The following PLEKHA7 variants were observed in gnomAD, a reference collection of about 807,000 sequenced individuals.
The protein encoded by PLEKHA7 is pleckstrin homology domain-containing family A member 7.
In PLEKHA7, 104 loss-of-function variants were observed where a neutral mutation model predicts 170.0. That is an observed-to-expected ratio of 0.61 (90% CI 0.52 to 0.72). The LOEUF is 0.72. Among genes scored for constraint, PLEKHA7 ranks in the 30% least tolerant of loss-of-function variants. The pLI is 0.00. For missense variants in PLEKHA7, 1,615 were observed against 1,671.7 expected (o/e 0.97, Z 0.59); for synonymous variants, 648 against 660.8 (o/e 0.98, Z 0.30).
At chr11:16,950,983 T>A (rs1861372151) in intron 3 of PLEKHA7, among the ~76,000 whole-genome samples, 1 of 152,186 alleles carries the variant, frequency 6.6e-6, no homozygotes, top group Admixed American at 6.5e-5. Flanking sequence ...CTGCCTCACC[T>A]TCAAAACTGT....
intron 6 of PLEKHA7, among the ~76,000 whole-genome samples, chr11:16,853,293 T>C (rs531003028): frequency 6.6e-6 from 1 of 152,344 alleles, no homozygotes; most frequent in East Asian, 1.9e-4. Flanking sequence ...TAAACTGAAA[T>C]ACAGCATAAG....
chr11:16,950,672 ACATTCCCTCCACCTGCC>A (rs756379815), intron 3 of PLEKHA7, among the ~76,000 whole-genome samples: 12 of 152,102 alleles, frequency 7.9e-5, no homozygotes, highest in Non-Finnish European at 1.6e-4. Flanking sequence ...ACCCTTAGCC[ACATTCCCTCCACCTGCC>A]CATTCCCTCA....
chr11:16,991,454 G>A (rs114747528), intron 3 of PLEKHA7, among the ~76,000 whole-genome samples: 2,845 of 152,124 alleles, frequency 0.019, 112 homozygotes, highest in African/African-American at 0.065. Context: ...AAGCAGCACC[G>A]AGATAATAGA....
chr11:16,807,395 C>T (rs1027086267), intron 13 of PLEKHA7, among the ~76,000 whole-genome samples: 2 of 152,206 alleles, frequency 1.3e-5, no homozygotes, highest in South Asian at 2.1e-4. Flanking sequence ...TCCATGGGAC[C>T]GTGGATGCTC....
chr11:16,904,578 C>G (rs577260212), intron 3 of PLEKHA7, among the ~76,000 whole-genome samples: 1 of 151,944 alleles, frequency 6.6e-6, no homozygotes, highest in Admixed American at 6.6e-5. Flanking sequence ...TAAAAATAAG[C>G]CAAAATGTTA....
intron 13 of PLEKHA7, chr11:16,807,189 G>A (rs1849049087): frequency 1.0e-6 from 1 of 985,468 alleles, no homozygotes; most frequent in South Asian, 4.7e-5. Context: ...TCAGCACTTT[G>A]TAAAGCACGT....
At chr11:16,980,136 G>C (rs183878341) in intron 3 of PLEKHA7, among the ~76,000 whole-genome samples, 58 of 152,318 alleles carry the variant, frequency 3.8e-4, no homozygotes, top group Non-Finnish European at 5.7e-4. Flanking sequence ...TTCCTTCAAA[G>C]AAACTCAGTC....
At chr11:16,971,391 T>C (rs1400210554) in intron 3 of PLEKHA7, among the ~76,000 whole-genome samples, 2 of 152,254 alleles carry the variant, frequency 1.3e-5, no homozygotes, top group African/African-American at 2.4e-5. Flanking sequence ...TAATCCACTG[T>C]ACAGAGGTGT....
rs116901154 is a variant in PLEKHA7, at chr11:16,843,427, G to C, written c.697-1705C>G. On this transcript the variant is annotated intron_variant, in intron 8 of 26. Coordinates refer to ENST00000531066, the MANE Select transcript of PLEKHA7 (RefSeq NM_001329630.2). ...CTCCTCCCTGCCCTCTTAAAATCCA[G>C]ATCCAAAATGCATAGTAAATATGGG... 3.6e-3 allele frequency among the ~76,000 whole-genome samples: 552 copies of C among 152,346 alleles called. 4 individuals are homozygous for C. The highest frequency in any genetic ancestry group is 5.7e-3 in the Non-Finnish European group (389 of 68,034).
intron 3 of PLEKHA7, among the ~76,000 whole-genome samples, chr11:17,007,027 C>T (rs1017804347): frequency 1.3e-5 from 2 of 152,226 alleles, no homozygotes; most frequent in Non-Finnish European, 2.9e-5. Context: ...CATGCCTGGT[C>T]CCCACTCCCT....
At chr11:16,845,993 TAAGAA>T (rs1398966283) in intron 8 of PLEKHA7, among the ~76,000 whole-genome samples, 1 of 151,922 alleles carries the variant, frequency 6.6e-6, no homozygotes, top group African/African-American at 2.4e-5. Flanking sequence ...TTATTGAGAT[TAAGAA>T]AAGAGGCCGG....
chr11:16,981,731 A>G (rs957454943), intron 3 of PLEKHA7, among the ~76,000 whole-genome samples: 2 of 152,192 alleles, frequency 1.3e-5, no homozygotes, highest in Admixed American at 1.3e-4. Context: ...CCAGATCCCC[A>G]CAGATTCCAG....
intron 3 of PLEKHA7, among the ~76,000 whole-genome samples, chr11:16,949,590 A>G (rs1022499708): frequency 2.0e-5 from 3 of 152,128 alleles, no homozygotes; most frequent in African/African-American, 4.8e-5. Context: ...ACTTATAACA[A>G]ATGCCCCAAA....
intron 4 of PLEKHA7, among the ~76,000 whole-genome samples, chr11:16,869,750 G>A (rs187162487): frequency 1.8e-4 from 28 of 152,242 alleles, no homozygotes; most frequent in African/African-American, 3.4e-4. Flanking sequence ...ATTTATTACC[G>A]TATCTCTTTT....
chr11:16,864,965 T>G (rs1324895053), intron 4 of PLEKHA7, among the ~76,000 whole-genome samples: 1 of 152,182 alleles, frequency 6.6e-6, no homozygotes, highest in Non-Finnish European at 1.5e-5. Flanking sequence ...CACTTCCACT[T>G]GCTAGCCCTT....
Position 17,014,064 on chromosome 11 carries a change from A to G in PLEKHA7, c.164-18T>C. The G allele has an allele frequency of 6.3e-7, 1 of 1,575,072 alleles. No individual in the cohort carries two copies. The highest frequency in any genetic ancestry group is 1.4e-5 in the African/African-American group (1 of 74,008). ...GGGCAGGTCTGCGGAAACGCCAGAA[A>G]AGTCGGGTCAAACTTGGGCCGCCGC... is the stretch of plus-strand genomic sequence containing the variant. On this transcript the variant is annotated intron_variant, in intron 2 of 26. Coordinates refer to ENST00000531066, the MANE Select transcript of PLEKHA7 (RefSeq NM_001329630.2).
At chr11:16,786,585 T>A (rs1336469135) in intron 23 of PLEKHA7, 198 bp from the exon 24 acceptor site, 34 of 985,316 alleles carry the variant, frequency 3.5e-5, no homozygotes, top group Non-Finnish European at 1.6e-5. Context: ...CTGATCTGGG[T>A]TCCCAGAGGT....
At chr11:16,947,519 AG>A (rs1861106207) in intron 3 of PLEKHA7, among the ~76,000 whole-genome samples, 12 of 151,476 alleles carry the variant, frequency 7.9e-5, no homozygotes, top group Admixed American at 7.9e-4. Context: ...TGAACCAGGG[AG>A]GTGGAGGTTG....
intron 3 of PLEKHA7, among the ~76,000 whole-genome samples, chr11:16,982,111 C>T (rs558789731): frequency 6.6e-6 from 1 of 152,216 alleles, no homozygotes; most frequent in Non-Finnish European, 1.5e-5. Context: ...AACAAGTCTC[C>T]CCCAGGAAGC....
Sources: allele counts gnomAD v4.1 joint callset (sites outside exome capture counted in the v4.1 genomes callset), GRCh38; gene constraint gnomAD v4.1.1; transcripts MANE v1.5; gene names NCBI Gene and HGNC (gene_info 2026-07-23, HGNC 2026-07-21).